The following PANK2 variants were observed in gnomAD, a reference collection of about 807,000 sequenced individuals.
PANK2 encodes the protein pantothenate kinase 2, mitochondrial.
A neutral mutation model predicts 43.1 loss-of-function variants in PANK2; 36 were observed. The observed-to-expected ratio is 0.84, with a 90% confidence interval of 0.64 to 1.10. The LOEUF (loss-of-function observed/expected upper bound fraction) is 1.10. PANK2 is among the 50% of genes least tolerant of loss of function. The pLI, the probability that PANK2 is intolerant of heterozygous loss-of-function variation, is 0.00. For missense variants in PANK2, 576 were observed against 593.3 expected, an observed-to-expected ratio of 0.97 and a Z score of 0.30; for synonymous variants, 281 against 238.2, an observed-to-expected ratio of 1.18 and a Z score of -1.66.
chr20:3,895,581 A>T (rs1164761217), intron 1 of PANK2, among the ~76,000 whole-genome samples: 1 of 151,716 alleles, frequency 6.6e-6, no homozygotes, highest in East Asian at 1.9e-4. Context: ...AATGAAAAGA[A>T]TGGCTATTTT....
chr20:3,888,959 G>A, upstream of PANK2: 11 of 580,810 alleles, frequency 1.9e-5, no homozygotes, highest in Admixed American at 6.9e-5. Flanking sequence ...CAGACGCTGC[G>A]GGAGCACTGC....
At chr20:3,896,415 T>A (rs1459014626) in intron 1 of PANK2, among the ~76,000 whole-genome samples, 1 of 151,998 alleles carries the variant, frequency 6.6e-6, no homozygotes, top group East Asian at 1.9e-4. Flanking sequence ...AGTGTGATGT[T>A]GTGAAATATA....
upstream of PANK2, chr20:3,888,956 TGCGG>T: frequency 3.2e-6 from 2 of 630,364 alleles, no homozygotes; most frequent in Non-Finnish European, 2.6e-6. Flanking sequence ...GGCCAGACGC[TGCGG>T]GAGCACTGCT....
At chr20:3,899,703 CTTTTTTTTTTTTT>C (rs11469308) in intron 1 of PANK2, among the ~76,000 whole-genome samples, 1 of 89,026 alleles carries the variant, frequency 1.1e-5, no homozygotes, top group Non-Finnish European at 2.2e-5. Flanking sequence ...ATCAGTTGTA[CTTTTTTTTTTTTT>C]TTTTTTTTTG....
upstream of PANK2, chr20:3,888,948 C>CTAAGTG: frequency 2.1e-5 from 12 of 572,502 alleles, no homozygotes; most frequent in South Asian, 1.1e-4. Flanking sequence ...CGACCAGCGG[C>CTAAGTG]CAGACGCTGC....
At chr20:3,909,845 G>C (rs1010841756) in intron 2 of PANK2, among the ~76,000 whole-genome samples, 1 of 151,902 alleles carries the variant, frequency 6.6e-6, no homozygotes, top group Non-Finnish European at 1.5e-5. Flanking sequence ...ACCTGTCTCA[G>C]CCTCCCAAAG....
chr20:3,895,529 TAGG>T (rs776448359), intron 1 of PANK2, among the ~76,000 whole-genome samples: 87 of 124,434 alleles, frequency 7.0e-4, no homozygotes, highest in South Asian at 1.1e-3. Context: ...TTTCAAAAAA[TAGG>T]AGGAGGAAGA....
intron 1 of PANK2, among the ~76,000 whole-genome samples, chr20:3,905,726 T>G (rs1240287451): frequency 1.3e-5 from 2 of 150,986 alleles, no homozygotes; most frequent in Non-Finnish European, 3.0e-5. Flanking sequence ...CCTTTTTTTT[T>G]TTTTTTTGAG....
chr20:3,893,665 C>T (rs2090158135), intron 1 of PANK2, among the ~76,000 whole-genome samples: 1 of 152,090 alleles, frequency 6.6e-6, no homozygotes, highest in Non-Finnish European at 1.5e-5. Flanking sequence ...ACAAATCTAA[C>T]CTTCATAATA....
Position 3,928,387 on chromosome 20 carries a change from CTG to C in PANK2, c.*5096_*5097del. On this transcript the variant is annotated 3_prime_UTR_variant, in exon 7 of 7. Transcript: ENST00000610179. ...AGCTGCTGGGAAGCGAGGCACAAGT[CTG>C]TGCCCCTACTCCCAGGGCTGCCTGG... 1 of 152,322 alleles carries C rather than the reference CTG, an allele frequency of 6.6e-6. No homozygotes were observed. Among genetic ancestry groups the C allele is most frequent in the Non-Finnish European group, 1.5e-5 (1 of 68,052 alleles). 9.4% of individuals were successfully genotyped at this position (152,322 alleles called of 1,614,324 possible).
At chr20:3,903,400 A>T (rs533266700) in intron 1 of PANK2, among the ~76,000 whole-genome samples, 2 of 148,516 alleles carry the variant, frequency 1.3e-5, no homozygotes, top group Admixed American at 1.4e-4. Context: ...CGCCCGCCTT[A>T]GCCTCCCAAA....
intron 1 of PANK2, among the ~76,000 whole-genome samples, chr20:3,905,208 C>T (rs532081240): frequency 5.3e-5 from 8 of 152,218 alleles, no homozygotes; most frequent in South Asian, 2.1e-4. Flanking sequence ...CCATGGTAGC[C>T]GCCCTGAACC....
intron 1 of PANK2, among the ~76,000 whole-genome samples, chr20:3,892,833 G>A (rs1455221055): frequency 6.6e-6 from 1 of 152,100 alleles, no homozygotes; most frequent in Non-Finnish European, 1.5e-5. Context: ...GTTTCCTAGA[G>A]CAGTGTAGTT....
rs1257024801 is a variant in PANK2, at chr20:3,917,046, A to G, written c.1202A>G (p.Asn401Ser). Residue 401 changes from asparagine (N) to serine (S), a missense_variant, in exon 5 of 7, where the codon AAT becomes AGT. By Grantham distance (46) the Asn-to-Ser change is conservative. This residue lies in a region of PANK2 where 544 missense variants were observed against 528.9 expected (regional missense o/e 1.03). Transcript: ENST00000610179. ...TCAATAGCAAGAATGTGTGCCCTTA[A>G]TGAAGTAAGGGGACATGGATTTCTT... is the stretch of plus-strand genomic sequence containing the variant. The G allele has an allele frequency of 3.1e-6, 5 of 1,613,938 alleles. No individual in the cohort carries two copies. Among genetic ancestry groups the G allele is most frequent in the Non-Finnish European group, 4.2e-6 (5 of 1,179,962 alleles).
chr20:3,904,109 A>C (rs2090348741), intron 1 of PANK2, among the ~76,000 whole-genome samples: 1 of 151,896 alleles, frequency 6.6e-6, no homozygotes, highest in African/African-American at 2.4e-5. Context: ...TTGCATTTTC[A>C]AAAGTTTCAT....
chr20:3,912,053 T>G (rs867880416), intron 3 of PANK2, among the ~76,000 whole-genome samples: 1 of 152,156 alleles, frequency 6.6e-6, no homozygotes, highest in Non-Finnish European at 1.5e-5. Flanking sequence ...CAAAACACGT[T>G]GCAGGAGGAG....
intron 1 of PANK2, among the ~76,000 whole-genome samples, chr20:3,903,318 T>C (rs1044028587): frequency 3.3e-5 from 5 of 151,618 alleles, no homozygotes; most frequent in Non-Finnish European, 7.4e-5. Flanking sequence ...GGGCTAATTT[T>C]TGTATTTTTA....
rs766697349 is a variant in PANK2, at chr20:3,910,750, G to T, written c.825G>T (p.Leu275=). The T allele has an allele frequency of 1.2e-6, 2 of 1,614,138 alleles. No individual in the cohort carries two copies. Among genetic ancestry groups the T allele is most frequent in the Non-Finnish European group, 1.7e-6 (2 of 1,180,026 alleles). The change falls in exon 3 of 7, where the codon CTG becomes CTT. Residue 275 remains leucine (L), a synonymous_variant. Coordinates refer to ENST00000610179, the MANE Select transcript of PANK2 (RefSeq NM_001386393.1). ...TTGATTTGAAAAATCCGTATCCTCT[G>T]CTTCTGGTGAACATTGGCTCAGGGG...
intron 6 of PANK2, among the ~76,000 whole-genome samples, chr20:3,922,313 C>T (rs1319611046): frequency 1.3e-5 from 2 of 152,136 alleles, no homozygotes; most frequent in African/African-American, 4.8e-5. Context: ...ATGGGGTTTG[C>T]CCCGTTTTCT....
Sources: allele counts gnomAD v4.1 joint callset (sites outside exome capture counted in the v4.1 genomes callset), GRCh38; gene constraint gnomAD v4.1.1; regional missense constraint gnomAD v4.1.1; transcripts MANE v1.5; gene names NCBI Gene and HGNC (gene_info 2026-07-23, HGNC 2026-07-21).